Variants in SNX7 observed in about 807,000 individuals in gnomAD.
The protein encoded by SNX7 is sorting nexin 7.
SNX7 carries 35 observed loss-of-function variants against 48.4 expected under a neutral mutation model. The ratio of observed to expected loss-of-function variants is 0.72; its 90% confidence interval spans 0.55 to 0.96. SNX7 has a LOEUF of 0.96. SNX7 is among the 40% of genes least tolerant of loss of function. The pLI, the probability that SNX7 is intolerant of heterozygous loss-of-function variation, is 0.00. For missense variants in SNX7, 553 were observed against 548.9 expected (o/e 1.01, Z -0.07); for synonymous variants, 190 against 190.2 (o/e 1.00, Z 0.01).
At chr1:98,745,938 T>C (rs1654288810) in intron 8 of SNX7, among the ~76,000 whole-genome samples, 1 of 152,142 alleles carries the variant, frequency 6.6e-6, no homozygotes, top group African/African-American at 2.4e-5. Context: ...TTATTGATTA[T>C]TTAATGATTA....
rs117559534 is a variant in SNX7 at position 98,742,656 on chromosome 1, C to T, written c.1278+4267C>T. ...AAAATTAATACAGGCTCACTGAAAA[C>T]AATTACAGCAACAAAAGCTCAGTAC... On this transcript the variant is annotated intron_variant, in intron 8 of 8. Transcript: ENST00000306121. Among the ~76,000 whole-genome samples, 121 of 152,000 alleles carry T rather than the reference C, an allele frequency of 8.0e-4. 1 individual carries two copies. In the East Asian group the frequency reaches 0.021, roughly 26 times the overall value.
chr1:98,693,259 G>A (rs542616300), intron 4 of SNX7, among the ~76,000 whole-genome samples: 1 of 152,232 alleles, frequency 6.6e-6, no homozygotes, highest in East Asian at 1.9e-4. Context: ...AAGTGGGGGA[G>A]TGTCTAATTT....
intron 1 of SNX7, among the ~76,000 whole-genome samples, chr1:98,668,881 T>C (rs1258673568): frequency 6.6e-6 from 1 of 152,200 alleles, no homozygotes; most frequent in African/African-American, 2.4e-5. Context: ...GTGAATTCTG[T>C]CACTAAAAAT....
intron 7 of SNX7, among the ~76,000 whole-genome samples, chr1:98,731,662 G>GTGTA (rs1281343784): frequency 1.3e-5 from 2 of 152,088 alleles, no homozygotes; most frequent in African/African-American, 2.4e-5. Context: ...AGGCTCTGTG[G>GTGTA]TGTAGCCTGT....
chr1:98,722,776 A>G (rs1652954556), intron 7 of SNX7, among the ~76,000 whole-genome samples: 1 of 141,342 alleles, frequency 7.1e-6, no homozygotes, highest in African/African-American at 2.6e-5. Context: ...GCTTCCATTT[A>G]AAAAGGAAAA....
intron 7 of SNX7, among the ~76,000 whole-genome samples, chr1:98,736,147 T>C (rs577566599): frequency 6.6e-6 from 1 of 152,206 alleles, no homozygotes; most frequent in Non-Finnish European, 1.5e-5. Context: ...AGATAGACTA[T>C]GTGATTTAGA....
intron 8 of SNX7, among the ~76,000 whole-genome samples, chr1:98,742,370 C>G (rs1217442956): frequency 1.3e-5 from 2 of 152,108 alleles, no homozygotes; most frequent in African/African-American, 2.4e-5. Flanking sequence ...CTATATCTCA[C>G]ATGTGGCATC....
intron 8 of SNX7, among the ~76,000 whole-genome samples, chr1:98,752,230 A>G (rs1424051922): frequency 6.6e-6 from 1 of 152,060 alleles, no homozygotes; most frequent in Non-Finnish European, 1.5e-5. Context: ...TGGTATAAAC[A>G]ATATATTTCT....
At chr1:98,754,992 GT>G (rs996434523) in intron 8 of SNX7, among the ~76,000 whole-genome samples, 2 of 151,784 alleles carry the variant, frequency 1.3e-5, no homozygotes. Context: ...TTTTTGATGT[GT>G]TGTGTTTTCA....
At chr1:98,748,600 A>G (rs539853669) in intron 8 of SNX7, among the ~76,000 whole-genome samples, 2 of 151,504 alleles carry the variant, frequency 1.3e-5, no homozygotes, top group South Asian at 2.1e-4. Flanking sequence ...ATGGGCCAAT[A>G]TAATAGTTTC....
chr1:98,743,000 G>C (rs1027047537), intron 8 of SNX7, among the ~76,000 whole-genome samples: 3 of 151,018 alleles, frequency 2.0e-5, no homozygotes, highest in Non-Finnish European at 4.4e-5. Flanking sequence ...TTAAACATTT[G>C]TTTTTTTTCT....
chr1:98,678,195 G>A (rs1348303601), intron 1 of SNX7, among the ~76,000 whole-genome samples: 3 of 152,182 alleles, frequency 2.0e-5, no homozygotes, highest in African/African-American at 7.2e-5. Context: ...GTGAAGGACG[G>A]CCAGCATGTC....
chr1:98,666,631 C>T (rs925788848), intron 1 of SNX7, among the ~76,000 whole-genome samples: 1 of 152,104 alleles, frequency 6.6e-6, no homozygotes, highest in African/African-American at 2.4e-5. Context: ...CAGTATCTCT[C>T]ATTGTATATG....
At position 98,668,516 on chromosome 1, in the gene SNX7, T is replaced by G. The variant is rs117004217; in HGVS notation, c.180+6605T>G. Among the ~76,000 whole-genome samples the G allele has an allele frequency of 6.8e-4, 104 of 152,312 alleles. 2 individuals carry two copies. In the East Asian group the frequency reaches 0.02, roughly 29 times the overall value. On this transcript the variant is annotated intron_variant, in intron 1 of 8. Coordinates refer to ENST00000306121, the MANE Select transcript of SNX7 (RefSeq NM_015976.5). Reference sequence around the variant, plus strand: ...CTGGTCTGAGCTTAGAAAGAGGGCTTAGATCCATTAACACTGTCTTCCTTT... The same window carrying G: ...CTGGTCTGAGCTTAGAAAGAGGGCTGAGATCCATTAACACTGTCTTCCTTT...
At chr1:98,693,528 C>T (rs1408776241) in intron 4 of SNX7, among the ~76,000 whole-genome samples, 1 of 152,166 alleles carries the variant, frequency 6.6e-6, no homozygotes, top group Non-Finnish European at 1.5e-5. Flanking sequence ...ACCTTAGAAG[C>T]TGTTAGAAAT....
intron 7 of SNX7, among the ~76,000 whole-genome samples, chr1:98,728,409 A>G (rs1177130223): frequency 1.3e-5 from 2 of 152,080 alleles, no homozygotes; most frequent in Non-Finnish European, 2.9e-5. Flanking sequence ...TAAAATAACC[A>G]GCTAGCATCA....
At position 98,722,208 on chromosome 1, in the gene SNX7, C is replaced by T. The variant is rs551655008; in HGVS notation, c.1126-16029C>T. On this transcript the variant is annotated intron_variant, in intron 7 of 8. Coordinates refer to ENST00000306121, the MANE Select transcript of SNX7 (RefSeq NM_015976.5). ...GCATTGTGTTTTACTGAACAAGTTA[C>T]GTTTGGATAACAAAATCTGCAGTGG... is the stretch of plus-strand genomic sequence containing the variant. Among the ~76,000 whole-genome samples, 177 of 152,172 alleles carry T rather than the reference C, an allele frequency of 1.2e-3. No individual in the cohort carries two copies. In the South Asian group the frequency reaches 0.012, roughly 10 times the overall value.
intron 2 of SNX7, among the ~76,000 whole-genome samples, chr1:98,690,743 G>T (rs2100951923): frequency 6.6e-6 from 1 of 152,184 alleles, no homozygotes; most frequent in Middle Eastern, 3.4e-3. Flanking sequence ...GAACACACTT[G>T]CTTGTTAGCA....
intron 6 of SNX7, among the ~76,000 whole-genome samples, chr1:98,700,698 A>C (rs920915273): frequency 5.3e-5 from 8 of 152,040 alleles, no homozygotes; most frequent in African/African-American, 1.7e-4. Context: ...ATAGGTGTGA[A>C]CTACTGTGCC....
Sources: allele counts gnomAD v4.1 joint callset (sites outside exome capture counted in the v4.1 genomes callset), GRCh38; gene constraint gnomAD v4.1.1; transcripts MANE v1.5; gene names NCBI Gene and HGNC (gene_info 2026-07-23, HGNC 2026-07-21).